TENM3: variants seen among roughly 807,000 people sequenced by gnomAD.
The protein encoded by TENM3 is teneurin-3.
Under a neutral mutation model 255.1 loss-of-function variants are expected in TENM3, and 63 were observed. The observed-to-expected ratio is 0.25, with a 90% confidence interval of 0.20 to 0.30. The LOEUF (loss-of-function observed/expected upper bound fraction) is 0.30. Ranked by LOEUF, TENM3 falls within the 10% of genes least tolerant of loss-of-function variation. The pLI is 1.00. For synonymous variants in TENM3, 1,306 were observed against 1,322.3 expected (o/e 0.99, Z 0.27); for missense variants, 2,929 against 3,461.1 (o/e 0.85, Z 3.86).
the TENM3 span, among the ~76,000 whole-genome samples, chr4:181,669,887 C>A: frequency 8.3e-4 from 127 of 152,260 alleles, no homozygotes; most frequent in South Asian, 2.1e-3. Context: ...CTGAAACATT[C>A]CAGCACATCA....
At chr4:181,589,025 A>C in the TENM3 span, among the ~76,000 whole-genome samples, 1 of 152,188 alleles carries the variant, frequency 6.6e-6, no homozygotes, top group Admixed American at 6.5e-5. Context: ...TATATTAGAC[A>C]TAAGGAAGAG....
chr4:182,704,767 A>G (rs930362836), intron 12 of TENM3, among the ~76,000 whole-genome samples: 1 of 152,024 alleles, frequency 6.6e-6, no homozygotes, highest in East Asian at 1.9e-4. Flanking sequence ...AGTATTGCCA[A>G]TTGTAGGGGA....
At chr4:182,707,740 A>C (rs1758388512) in intron 12 of TENM3, 1 of 152,220 alleles carries the variant, frequency 6.6e-6, no homozygotes, top group African/African-American at 2.4e-5. Context: ...CATAGGCTTG[A>C]AACCCGAATA....
At chr4:182,246,145 A>G (rs1021252431) in intron 1 of TENM3, among the ~76,000 whole-genome samples, 1 of 152,206 alleles carries the variant, frequency 6.6e-6, no homozygotes, top group Admixed American at 6.5e-5. Flanking sequence ...GCCTGAAATG[A>G]AACTCCTAGA....
chr4:181,922,989 T>C, the TENM3 span, among the ~76,000 whole-genome samples: 2 of 152,342 alleles, frequency 1.3e-5, no homozygotes, highest in African/African-American at 4.8e-5. Context: ...CATTTCGTTA[T>C]GTACCCAGTA....
intron 3 of TENM3, among the ~76,000 whole-genome samples, chr4:182,524,747 G>C (rs1300263239): frequency 3.3e-5 from 5 of 149,720 alleles, no homozygotes; most frequent in Non-Finnish European, 5.9e-5. Flanking sequence ...GCCAGGCACA[G>C]TGGCTCATAC....
intron 1 of TENM3, among the ~76,000 whole-genome samples, chr4:182,297,956 G>A (rs979673399): frequency 6.6e-6 from 1 of 152,130 alleles, no homozygotes; most frequent in Non-Finnish European, 1.5e-5. Flanking sequence ...GCTCCCACAC[G>A]AGGCCTGTGC....
At position 182,399,708 on chromosome 4, in the gene TENM3, A is replaced by G. The variant is rs7674040; in HGVS notation, c.511+52779A>G. ...TTTGTTACAACCTTCATGGAAGATG[A>G]AAAACATACCCCAAACTGCTATGCA... On this transcript the variant is annotated intron_variant, in intron 3 of 27. Transcript: ENST00000511685. Among the ~76,000 whole-genome samples the G allele has an allele frequency of 4.5e-3, 686 of 152,326 alleles. 7 individuals carry two copies. The highest frequency in any genetic ancestry group is 0.015 in the African/African-American group (643 of 41,576).
intron 12 of TENM3, chr4:182,697,882 T>A (rs1710705771): frequency 6.6e-6 from 1 of 152,246 alleles, no homozygotes; most frequent in South Asian, 2.1e-4. Flanking sequence ...TGGTTGTCAG[T>A]ATTCTCTACT....
At chr4:182,503,150 T>C (rs1736485193) in intron 3 of TENM3, among the ~76,000 whole-genome samples, 1 of 152,160 alleles carries the variant, frequency 6.6e-6, no homozygotes, top group South Asian at 2.1e-4. Flanking sequence ...CTCATTCTTT[T>C]TCTCCAGCAA....
chr4:181,457,542 T>A, the TENM3 span, among the ~76,000 whole-genome samples: 1 of 151,840 alleles, frequency 6.6e-6, no homozygotes. Context: ...CTGATCAATA[T>A]GTTTTGAACC....
chr4:181,759,317 TTTTAGA>T, the TENM3 span, among the ~76,000 whole-genome samples: 2 of 152,092 alleles, frequency 1.3e-5, no homozygotes, highest in Admixed American at 6.6e-5. Flanking sequence ...GGACAAAGAC[TTTTAGA>T]TTGAGATGAG....
the TENM3 span, among the ~76,000 whole-genome samples, chr4:181,651,701 A>G: frequency 6.6e-6 from 1 of 152,202 alleles, no homozygotes; most frequent in Admixed American, 6.5e-5. Flanking sequence ...CGTTACATCT[A>G]ACACCAAGGA....
chr4:181,932,339 C>A, the TENM3 span, among the ~76,000 whole-genome samples: 26 of 152,176 alleles, frequency 1.7e-4, no homozygotes, highest in African/African-American at 6.3e-4. Context: ...ACAACCCCAT[C>A]AAAAAGTGGA....
At chr4:182,276,006 A>C (rs2150242508) in intron 1 of TENM3, among the ~76,000 whole-genome samples, 1 of 152,302 alleles carries the variant, frequency 6.6e-6, no homozygotes, top group Admixed American at 6.5e-5. Context: ...TAGAGGAATA[A>C]GGGAGCTGCT....
At chr4:182,328,944 G>A (rs73869927) in intron 2 of TENM3, among the ~76,000 whole-genome samples, 4,461 of 152,236 alleles carry the variant, frequency 0.029, 67 homozygotes, top group African/African-American at 0.034. Context: ...CATCCTGAGC[G>A]CTAGCCCATC....
chr4:181,738,693 T>G, the TENM3 span, among the ~76,000 whole-genome samples: 7 of 152,072 alleles, frequency 4.6e-5, no homozygotes, highest in Non-Finnish European at 8.8e-5. Context: ...AACACTTGTT[T>G]TCGTTCTCCC....
the TENM3 span, among the ~76,000 whole-genome samples, chr4:181,788,214 C>T: frequency 6.6e-6 from 1 of 152,210 alleles, no homozygotes; most frequent in South Asian, 2.1e-4. Flanking sequence ...CTTTATCACC[C>T]TCTGATGATG....
the TENM3 span, among the ~76,000 whole-genome samples, chr4:181,903,968 T>C: frequency 2.0e-5 from 3 of 152,114 alleles, no homozygotes; most frequent in Non-Finnish European, 2.9e-5. Flanking sequence ...TCCATGTATA[T>C]CTCTAGCCCC....
Sources: allele counts gnomAD v4.1 joint callset (sites outside exome capture counted in the v4.1 genomes callset), GRCh38; gene constraint gnomAD v4.1.1; transcripts MANE v1.5; gene names NCBI Gene and HGNC (gene_info 2026-07-23, HGNC 2026-07-21).